MUC4: variants seen among roughly 807,000 people sequenced by gnomAD.
The protein encoded by MUC4 is mucin 4, cell surface associated.
Under a neutral mutation model 257.9 loss-of-function variants are expected in MUC4, and 202 were observed. The observed-to-expected ratio is 0.78, with a 90% confidence interval of 0.70 to 0.88. The LOEUF (loss-of-function observed/expected upper bound fraction) is 0.88. Among genes scored for constraint, MUC4 ranks in the 40% least tolerant of loss-of-function variants. The pLI, the probability that MUC4 is intolerant of heterozygous loss-of-function variation, is 0.00. For missense variants in MUC4, 5,976 were observed against 6,513.7 expected (o/e 0.92, Z 2.84); for synonymous variants, 2,351 against 2,757.1 (o/e 0.85, Z 4.62).
chr3:195,789,950 C>T lies in MUC4; in HGVS notation c.1630G>A (p.Glu544Lys). The change falls in exon 2 of 25, where the codon GAG becomes AAG. Residue 544 changes from glutamate (E) to lysine (K), a missense_variant. Glu to Lys is a moderately conservative substitution (Grantham distance 56). Around this residue, in one of 44 missense-constraint regions of MUC4, gnomAD observed 1,583 missense variants for 1,257.4 expected, o/e 1.26. Transcript: ENST00000463781. The part of the protein sequence containing the change: ...SKVSAIGEPG[E>K]PTTYSSHSTT... ...CTGTGGGAGGAGTATGTGGTGGGCTCTCCTGGTTCCCCTATTGCTGAGACC... is the reference window on the plus strand; with the variant it reads ...CTGTGGGAGGAGTATGTGGTGGGCTTTCCTGGTTCCCCTATTGCTGAGACC... The T allele has an allele frequency of 6.2e-7, 1 of 1,613,968 alleles. No homozygotes were observed. The highest frequency in any genetic ancestry group is 8.5e-7 in the Non-Finnish European group (1 of 1,179,882).
intron 7 of MUC4, among the ~76,000 whole-genome samples, chr3:195,767,684 C>CACCA (rs1560263359): frequency 7.7e-4 from 1 of 1,302 alleles, no homozygotes; most frequent in East Asian, 0.026. Context: ...ACCACCATCA[C>CACCA]TGGCCACCCC....
At position 195,764,061 on chromosome 3, in the gene MUC4, G is replaced by A. The variant is rs753606196; in HGVS notation, c.14028C>T (p.Tyr4676=). 1.2e-6 allele frequency: 2 copies of A among 1,610,882 alleles called. No individual in the cohort carries two copies. Among genetic ancestry groups the A allele is most frequent in the Non-Finnish European group, 8.5e-7 (1 of 1,179,184 alleles). ...QRRPHVGCAT[Y]RPPQPAWMFG... Reference sequence around the variant, plus strand: ...GTCGCTCACCGGGCTGTGGGGGCCTGTATGTAGCACAGCCCACGTGGGGCC... The same window carrying A: ...GTCGCTCACCGGGCTGTGGGGGCCTATATGTAGCACAGCCCACGTGGGGCC... Residue 4676 remains tyrosine, a synonymous_variant, in exon 11 of 25, where the codon TAC becomes TAT. Transcript: ENST00000463781.
chr3:195,775,482 CACCCATACCTTCCACA>C (rs1381445599), intron 3 of MUC4, among the ~76,000 whole-genome samples: 1 of 113,760 alleles, frequency 8.8e-6, no homozygotes, highest in Non-Finnish European at 1.9e-5. Flanking sequence ...ATACCTTCCA[CACCCATACCTTCCACA>C]GCCATACCTT....
At position 195,752,366 on chromosome 3, in the gene MUC4, C is replaced by T. The variant is rs67175307; in HGVS notation, c.15582+7G>A. On this transcript the variant is annotated splice_region_variant and intron_variant, in intron 21 of 24. Transcript: ENST00000463781. ...CTCCCACCCAGAGCGCGGCCTGCAG[C>T]ACTGACCGAGGCGTTGACTTCTGCC... is the stretch of plus-strand genomic sequence containing the variant. 80,698 of 1,611,394 alleles carry T rather than the reference C, an allele frequency of 0.05. 2,373 individuals are homozygous for T. Among genetic ancestry groups the T allele is most frequent in the African/African-American group, 0.089 (6,685 of 74,994 alleles).
At chr3:195,765,157 G>A (rs540545680) in intron 9 of MUC4, 35 bp from the exon 10 acceptor site, 21 of 1,591,740 alleles carry the variant, frequency 1.3e-5, no homozygotes, top group Middle Eastern at 1.7e-4. Flanking sequence ...GGCCCAGGCT[G>A]GGGCTGCCAG....
chr3:195,774,415 C>G, intron 3 of MUC4, 110 bp from the exon 4 acceptor site: 1 of 1,321,582 alleles, frequency 7.6e-7, no homozygotes, highest in Non-Finnish European at 9.9e-7. Flanking sequence ...GTCCTGTGTT[C>G]CCCGAGGGCC....
chr3:195,771,054 T>G (rs1722738461), intron 5 of MUC4, among the ~76,000 whole-genome samples: 1 of 139,194 alleles, frequency 7.2e-6, no homozygotes, highest in Admixed American at 7.3e-5. Flanking sequence ...CGTGGTTGGG[T>G]TGGGGTATTC....
chr3:195,767,933 GCCACTACCACCACCACCACCA>G (rs1404775788), intron 7 of MUC4, among the ~76,000 whole-genome samples: 1 of 62,656 alleles, frequency 1.6e-5, no homozygotes, highest in Non-Finnish European at 3.1e-5. Context: ...CACCTCCACC[GCCACTACCACCACCACCACCA>G]CCACCACCAC....
In MUC4 at chr3:195,789,913, G is replaced by A. The variant is rs200887189; in HGVS notation, c.1667C>T (p.Pro556Leu). ...TTYSSHSTTL[P>L]KTTGAGAQTQ... ...CTGGGCGCCTGCCCCTGTTGTTTTT[G>A]GGAGAGTTGTGCTGTGGGAGGAGTA... Residue 556 changes from proline to leucine, a missense_variant, in exon 2 of 25, where the codon CCA (proline) becomes CTA (leucine). Pro to Leu is a moderately conservative substitution (Grantham distance 98, BLOSUM62 -3). Around this residue, in one of 44 missense-constraint regions of MUC4, gnomAD observed 1,583 missense variants for 1,257.4 expected, o/e 1.26. Coordinates refer to ENST00000463781, the MANE Select transcript of MUC4 (RefSeq NM_018406.7). 1.1e-4 allele frequency: 183 copies of A among 1,613,706 alleles called. No individual in the cohort carries two copies. The highest frequency in any genetic ancestry group is 2.5e-4 in the Admixed American group (15 of 59,988).
chr3:195,796,328 C>T (rs1278067985), intron 1 of MUC4, among the ~76,000 whole-genome samples: 3 of 152,190 alleles, frequency 2.0e-5, no homozygotes, highest in African/African-American at 4.8e-5. Flanking sequence ...GGTGATCTAC[C>T]CACCTCGGCA....
At chr3:195,771,881 G>C (rs1366368742) in intron 4 of MUC4, 65 bp from the exon 5 acceptor site, 8 of 1,556,550 alleles carry the variant, frequency 5.1e-6, no homozygotes, top group Non-Finnish European at 6.2e-6. Context: ...CCCAGCCTTG[G>C]TCCAGCTCCT....
intron 7 of MUC4, among the ~76,000 whole-genome samples, chr3:195,767,541 CAT>C (rs1560261475): frequency 2.8e-4 from 33 of 117,986 alleles, no homozygotes; most frequent in African/African-American, 1.4e-3. Flanking sequence ...CCACCACCAT[CAT>C]CACCATCACC....
At position 195,762,836 on chromosome 3, in the gene MUC4, C is replaced by T. The variant is rs1560247283; in HGVS notation, c.14344+19G>A. The T allele has an allele frequency of 6.5e-7, 1 of 1,531,566 alleles. No individual in the cohort carries two copies. Among genetic ancestry groups the T allele is most frequent in the South Asian group, 1.2e-5 (1 of 83,712 alleles). 94.9% of individuals were successfully genotyped at this position (1,531,566 alleles called of 1,614,324 possible). On this transcript the variant is annotated intron_variant, in intron 13 of 24. Coordinates refer to ENST00000463781, the MANE Select transcript of MUC4 (RefSeq NM_018406.7). ...TGCTCCCGGTGCGGGGAGGGGGCGG[C>T]CGGCGCTCCCCAACCTACCTCCGCC...
chr3:195,778,478 C>T (rs755011146), intron 2 of MUC4, 23 bp from the exon 3 acceptor site: 113 of 1,607,880 alleles, frequency 7.0e-5, no homozygotes, highest in Non-Finnish European at 8.2e-5. Context: ...AAAGACAAGG[C>T]GGGGTGTTTC....
At chr3:195,766,551 T>G (rs1260473237) in intron 8 of MUC4, 112 bp downstream of exon 8, 1 of 948,912 alleles carries the variant, frequency 1.1e-6, no homozygotes, top group Non-Finnish European at 1.7e-6. Context: ...GGGAGGCCCT[T>G]CAGGATGGCC....
At chr3:195,798,519 G>A (rs1040892972) in intron 1 of MUC4, among the ~76,000 whole-genome samples, 4 of 151,948 alleles carry the variant, frequency 2.6e-5, no homozygotes, top group Admixed American at 1.3e-4. Flanking sequence ...CTGGCTAACA[G>A]GGTGAACCCC....
At chr3:195,802,460 T>C (rs1735467568) in intron 1 of MUC4, among the ~76,000 whole-genome samples, 1 of 140,028 alleles carries the variant, frequency 7.1e-6, no homozygotes, top group African/African-American at 2.5e-5. Flanking sequence ...GGGTTGCTGC[T>C]GCTGTCTCCT....
Position 195,787,630 on chromosome 3 carries a change from C to G in MUC4, c.3950G>C (p.Ser1317Thr). 5 of 568,326 alleles carry G rather than the reference C, an allele frequency of 8.8e-6. 1 individual carries two copies. Among genetic ancestry groups the G allele is most frequent in the Non-Finnish European group, 1.2e-5 (5 of 410,372 alleles). 35.2% of individuals were successfully genotyped at this position (568,326 alleles called of 1,614,324 possible). A position where few individuals can be genotyped will look rare whatever the true frequency, so the allele number is the denominator to read the frequency against. ...GTCACCTGTGGATGCTGAGGAAAGG[C>G]TGGTGACAGGAAGAGGGGTGGCGTG... The part of the protein sequence containing the change: ...TGHATPLPVT[S>T]LSSASTGDTM... The change falls in exon 2 of 25, where the codon AGC (serine) becomes ACC (threonine). Residue 1317 changes from serine (S) to threonine (T), a missense_variant. Transcript: ENST00000463781.
intron 15 of MUC4, among the ~76,000 whole-genome samples, 164 bp downstream of exon 15, chr3:195,761,320 A>G (rs1331420200): frequency 6.6e-6 from 1 of 152,112 alleles, no homozygotes; most frequent in African/African-American, 2.4e-5. Flanking sequence ...CCAGGTAGAG[A>G]GAGGCAGGTG....
Sources: allele counts gnomAD v4.1 joint callset (sites outside exome capture counted in the v4.1 genomes callset), GRCh38; gene constraint gnomAD v4.1.1; regional missense constraint gnomAD v4.1.1; transcripts MANE v1.5; gene names NCBI Gene and HGNC (gene_info 2026-07-23, HGNC 2026-07-21).